The following DNM3 variants were observed in gnomAD, a reference collection of about 807,000 sequenced individuals.
DNM3 encodes dynamin 3.
Under a neutral mutation model 101.6 loss-of-function variants are expected in DNM3, and 47 were observed. The ratio of observed to expected loss-of-function variants is 0.46; its 90% CI spans 0.37 to 0.59. DNM3 has a LOEUF of 0.59. DNM3 is among the 20% of genes least tolerant of loss of function. The pLI is 0.00. For synonymous variants in DNM3, 385 were observed against 387.9 expected (o/e 0.99, Z 0.09); for missense variants, 849 against 1,085.7 (o/e 0.78, Z 3.06).
chr1:172,167,813 A>T (rs1337387347), intron 14 of DNM3, among the ~76,000 whole-genome samples: 1 of 152,060 alleles, frequency 6.6e-6, no homozygotes, highest in Non-Finnish European at 1.5e-5. Context: ...ATTTAAATGC[A>T]GTCACAATTA....
intron 2 of DNM3, among the ~76,000 whole-genome samples, chr1:171,948,703 G>A (rs1037308007): frequency 3.3e-5 from 5 of 152,078 alleles, no homozygotes; most frequent in Admixed American, 2.0e-4. Flanking sequence ...TTTCCTGAAA[G>A]AGCCAAATTC....
At chr1:171,878,047 T>C (rs1430510642) in intron 1 of DNM3, among the ~76,000 whole-genome samples, 1 of 152,188 alleles carries the variant, frequency 6.6e-6, no homozygotes, top group African/African-American at 2.4e-5. Context: ...ATGCTATCTT[T>C]GGCTGACAAA....
intron 20 of DNM3, among the ~76,000 whole-genome samples, chr1:172,389,943 C>T (rs907790645): frequency 3.9e-5 from 6 of 152,162 alleles, no homozygotes; most frequent in African/African-American, 1.4e-4. Flanking sequence ...TCTTGGGCAA[C>T]TCATTTAACT....
At chr1:171,977,119 A>C (rs377320891) in intron 2 of DNM3, among the ~76,000 whole-genome samples, 7 of 152,218 alleles carry the variant, frequency 4.6e-5, no homozygotes, top group Non-Finnish European at 8.8e-5. Flanking sequence ...TTCTTAAAAA[A>C]CATTGGAATA....
At chr1:171,947,418 T>G (rs1484649024) in intron 2 of DNM3, among the ~76,000 whole-genome samples, 5 of 152,214 alleles carry the variant, frequency 3.3e-5, no homozygotes, top group Non-Finnish European at 7.3e-5. Context: ...CATCAAGGCT[T>G]CTAATTTGAC....
chr1:171,942,596 A>G (rs1020270428), intron 2 of DNM3, among the ~76,000 whole-genome samples: 4 of 152,138 alleles, frequency 2.6e-5, no homozygotes, highest in African/African-American at 9.7e-5. Context: ...GAAGTGGGCA[A>G]TTTTGAATTT....
intron 2 of DNM3, among the ~76,000 whole-genome samples, chr1:171,951,295 A>G (rs1394774793): frequency 1.3e-5 from 2 of 152,156 alleles, no homozygotes; most frequent in African/African-American, 2.4e-5. Flanking sequence ...GGAAGATGCA[A>G]ATCTCATATT....
chr1:172,311,992 A>G (rs2065101811), intron 16 of DNM3, among the ~76,000 whole-genome samples: 1 of 152,236 alleles, frequency 6.6e-6, no homozygotes, highest in Non-Finnish European at 1.5e-5. Flanking sequence ...CCTACAGGTC[A>G]TATTACATAA....
chr1:172,341,898 A>T (rs1195875015), intron 17 of DNM3, among the ~76,000 whole-genome samples: 1 of 152,208 alleles, frequency 6.6e-6, no homozygotes, highest in East Asian at 1.9e-4. Flanking sequence ...TTCTTAAACA[A>T]ATTTACAAGC....
Position 172,412,021 on chromosome 1 carries a change from T to C in DNM3, c.*4180T>C. ...ACTTTAAGAATATTTTTGAAGCATA[T>C]GTAATATATGCACTGCTATTTGTGT... On this transcript the variant is annotated 3_prime_UTR_variant, in exon 21 of 21. Transcript: ENST00000627582. The C allele has an allele frequency of 2.0e-6, 2 of 984,958 alleles. No homozygotes were observed. The highest frequency in any genetic ancestry group is 2.4e-6 in the Non-Finnish European group (2 of 829,654). 61.0% of individuals were successfully genotyped at this position (984,958 alleles called of 1,614,324 possible).
intron 14 of DNM3, among the ~76,000 whole-genome samples, chr1:172,222,383 G>A (rs562795691): frequency 1.9e-4 from 29 of 152,268 alleles, no homozygotes; most frequent in Middle Eastern, 3.4e-3. Flanking sequence ...TGGAACACTG[G>A]TTAAAAACAC....
At position 172,412,542 on chromosome 1, in the gene DNM3, T is replaced by G; in HGVS notation, c.*4701T>G. The G allele has an allele frequency of 1.0e-6, 1 of 985,782 alleles. No homozygotes were observed. Among genetic ancestry groups the G allele is most frequent in the Non-Finnish European group, 1.2e-6 (1 of 829,866 alleles). 61.1% of individuals were successfully genotyped at this position (985,782 alleles called of 1,614,324 possible). ...TCTTTAATTAATATGAGCCGGATAC[T>G]TTCCACTGTCTTCTTGGCACTTTCA... On this transcript the variant is annotated 3_prime_UTR_variant, in exon 21 of 21. Transcript: ENST00000627582.
intron 17 of DNM3, among the ~76,000 whole-genome samples, chr1:172,362,654 A>G (rs1307829725): frequency 6.6e-6 from 1 of 151,864 alleles, no homozygotes; most frequent in East Asian, 1.9e-4. Context: ...GTATCTTGAT[A>G]AACACCGTGC....
At chr1:172,415,960 T>C (rs2071413982), downstream of DNM3, among the ~76,000 whole-genome samples, 1 of 152,220 alleles carries the variant, frequency 6.6e-6, no homozygotes, top group Admixed American at 6.5e-5. Context: ...GGGTAATTCA[T>C]CATTCTTGTT....
At chr1:171,994,138 T>C (rs917347174) in intron 4 of DNM3, among the ~76,000 whole-genome samples, 2 of 152,126 alleles carry the variant, frequency 1.3e-5, no homozygotes, top group South Asian at 2.1e-4. Flanking sequence ...ATATTTTCTT[T>C]TGGGTGGGCC....
At chr1:171,944,837 C>CT (rs1297398007) in intron 2 of DNM3, among the ~76,000 whole-genome samples, 34 of 39,406 alleles carry the variant, frequency 8.6e-4, no homozygotes, top group African/African-American at 1.8e-3. Flanking sequence ...TTTTTGTTTT[C>CT]TTTTTTTTTG....
At chr1:172,148,695 T>C (rs1180309985) in intron 14 of DNM3, among the ~76,000 whole-genome samples, 2 of 152,092 alleles carry the variant, frequency 1.3e-5, no homozygotes, top group Non-Finnish European at 2.9e-5. Flanking sequence ...GTATCTAAGA[T>C]AAAAATCTAG....
chr1:172,309,238 A>G (rs1332832346), intron 16 of DNM3: 1 of 162,874 alleles, frequency 6.1e-6, no homozygotes, highest in African/African-American at 2.4e-5. Context: ...ACTCATTTTA[A>G]TAAAAATCTA....
At chr1:172,342,854 T>C (rs2066752898) in intron 17 of DNM3, among the ~76,000 whole-genome samples, 1 of 152,248 alleles carries the variant, frequency 6.6e-6, no homozygotes, top group Non-Finnish European at 1.5e-5. Context: ...TCAGTTTCTT[T>C]GTCCTTCCCT....
Sources: allele counts gnomAD v4.1 joint callset (sites outside exome capture counted in the v4.1 genomes callset), GRCh38; gene constraint gnomAD v4.1.1; transcripts MANE v1.5; gene names NCBI Gene and HGNC (gene_info 2026-07-23, HGNC 2026-07-21).